Variants in KANK4 observed in about 807,000 individuals in gnomAD.
KANK4 encodes KN motif and ankyrin repeat domain-containing protein 4.
KANK4 carries 50 observed loss-of-function variants against 80.8 expected under a neutral mutation model. The ratio of observed to expected loss-of-function variants is 0.62; its 90% CI spans 0.49 to 0.78. The LOEUF (loss-of-function observed/expected upper bound fraction) is 0.78. Ranked by LOEUF, KANK4 falls within the 30% of genes least tolerant of loss-of-function variation. The pLI, the probability that KANK4 is intolerant of heterozygous loss-of-function variation, is 0.00. For synonymous variants in KANK4, 465 were observed against 506.9 expected (o/e 0.92, Z 1.11); for missense variants, 1,196 against 1,240.1 (o/e 0.96, Z 0.53).
chr1:62,303,032 G>A (rs1296186710), intron 1 of KANK4, among the ~76,000 whole-genome samples: 3 of 152,100 alleles, frequency 2.0e-5, no homozygotes, highest in Non-Finnish European at 4.4e-5. Flanking sequence ...GAATGAGGAA[G>A]TTTAAGCCAC....
chr1:62,311,179 C>G (rs891966680), intron 1 of KANK4, among the ~76,000 whole-genome samples: 10 of 152,138 alleles, frequency 6.6e-5, no homozygotes, highest in African/African-American at 2.2e-4. Flanking sequence ...TAGTAGGTTT[C>G]AAGAACAAGT....
intron 2 of KANK4, among the ~76,000 whole-genome samples, chr1:62,277,746 A>G (rs1672344499): frequency 6.6e-6 from 1 of 152,226 alleles, no homozygotes; most frequent in Admixed American, 6.5e-5. Context: ...GATGCCATGC[A>G]TGAGTAAAAA....
At position 62,273,950 on chromosome 1, in the gene KANK4, C is replaced by T. The variant is rs777904139; in HGVS notation, c.1154G>A (p.Arg385Gln). 4.0e-5 allele frequency: 64 copies of T among 1,614,196 alleles called. No individual in the cohort carries two copies. The highest frequency in any genetic ancestry group is 3.3e-4 in the Admixed American group (20 of 60,028). ...TTGGGCTACAGTGAACTCCAGCTCT[C>T]GAATTCTTTGCTCCCTAGCTTTGAT... is the stretch of plus-strand genomic sequence containing the variant. ...EEIKAREQRIRELEFTVAQLE... is the reference protein window; with the variant it reads ...EEIKAREQRIQELEFTVAQLE... The change falls in exon 3 of 10, where the codon CGA becomes CAA. Residue 385 changes from arginine (R) to glutamine (Q), a missense_variant. Around this residue, in one of 3 missense-constraint regions of KANK4, gnomAD observed 1,154 missense variants for 1,179.6 expected, o/e 0.98. Transcript: ENST00000371153.
At chr1:62,251,686 C>T (rs55673263) in intron 8 of KANK4, among the ~76,000 whole-genome samples, 44,064 of 151,936 alleles carry the variant, frequency 0.29, 6,700 homozygotes, top group South Asian at 0.36. Flanking sequence ...TCAACTTGTA[C>T]TTAATCACTG....
At chr1:62,291,518 C>A (rs1424669295) in intron 1 of KANK4, among the ~76,000 whole-genome samples, 1 of 152,264 alleles carries the variant, frequency 6.6e-6, no homozygotes, top group East Asian at 1.9e-4. Context: ...CATAGCTCAC[C>A]ACAGGCTCAA....
In KANK4 at chr1:62,273,356, G is replaced by A. The variant is rs1392567149; in HGVS notation, c.1748C>T (p.Pro583Leu). The A allele has an allele frequency of 6.8e-6, 11 of 1,607,714 alleles. No individual in the cohort carries two copies. The highest frequency in any genetic ancestry group is 6.6e-5 in the South Asian group (6 of 90,730). ...EQWNCLEHGYPELASAIKQPA... is the reference protein window; with the variant it reads ...EQWNCLEHGYLELASAIKQPA... ...CTGCTTGATGGCGCTGGCCAGCTCC[G>A]GGTACCCATGCTCCAGGCAGTTCCA... Residue 583 changes from proline to leucine, a missense_variant, in exon 3 of 10, where the codon CCG becomes CTG. This residue lies in a region of KANK4 where 1,154 missense variants were observed against 1,179.6 expected (regional missense o/e 0.98). Transcript: ENST00000371153.
At chr1:62,241,796 T>G (rs539303474) in intron 9 of KANK4, among the ~76,000 whole-genome samples, 18 of 152,342 alleles carry the variant, frequency 1.2e-4, no homozygotes, top group South Asian at 6.2e-4. Flanking sequence ...GAACTTCATC[T>G]GCTGTGCCTT....
chr1:62,248,697 A>C (rs1001225442), intron 8 of KANK4, among the ~76,000 whole-genome samples: 2 of 151,454 alleles, frequency 1.3e-5, no homozygotes, highest in African/African-American at 4.8e-5. Context: ...GGCAGCTGCC[A>C]CCATGCCCAG....
At chr1:62,278,336 C>T (rs56822769) in intron 2 of KANK4, among the ~76,000 whole-genome samples, 86 of 10,414 alleles carry the variant, frequency 8.3e-3, no homozygotes, top group African/African-American at 0.038. Context: ...TTCCTTCCTT[C>T]CTTCCTTCCT....
intron 4 of KANK4, 69 bp downstream of exon 4, chr1:62,271,409 G>T: frequency 2.0e-6 from 2 of 1,025,114 alleles, no homozygotes; most frequent in South Asian, 1.3e-5. Context: ...CCTAGGAAAA[G>T]AGAGTGCAAA....
intron 9 of KANK4, among the ~76,000 whole-genome samples, chr1:62,244,208 T>A (rs1671414260): frequency 6.6e-6 from 1 of 151,926 alleles, no homozygotes; most frequent in African/African-American, 2.4e-5. Flanking sequence ...TATTTTTTTT[T>A]TTTTTGAGAC....
At chr1:62,247,704 T>C in intron 8 of KANK4, 32 bp from the exon 9 acceptor site, 2 of 1,600,728 alleles carry the variant, frequency 1.2e-6, no homozygotes, top group Non-Finnish European at 1.7e-6. Context: ...TGTGGTGAGG[T>C]TGCTGCCAGT....
chr1:62,246,764 A>ATT lies in KANK4; in HGVS notation c.2883+706_2883+707dup, dbSNP rs573139827. Among the ~76,000 whole-genome samples the ATT allele has an allele frequency of 4.3e-5, 6 of 140,774 alleles. No individual in the cohort carries two copies. In the East Asian group the frequency reaches 8.4e-4, roughly 20 times the overall value. 92.4% of individuals were successfully genotyped at this position (140,774 alleles called of 152,430 possible). A position where few individuals can be genotyped will look rare whatever the true frequency, so the allele number is the denominator to read the frequency against. On this transcript the variant is annotated intron_variant, in intron 9 of 9. Coordinates refer to ENST00000371153, the MANE Select transcript of KANK4 (RefSeq NM_181712.5). ...AGGCGTGCACCACCATACCTGGTTA[A>ATT]TTTTTTTTTTTTTTGAGACAGAGTT...
chr1:62,292,772 G>A (rs1456603243), intron 1 of KANK4, among the ~76,000 whole-genome samples: 7 of 152,212 alleles, frequency 4.6e-5, no homozygotes, highest in African/African-American at 1.7e-4. Flanking sequence ...TGATTTGTCA[G>A]CCTGCTGGAC....
At chr1:62,296,638 A>G (rs1366798827) in intron 1 of KANK4, among the ~76,000 whole-genome samples, 3 of 152,012 alleles carry the variant, frequency 2.0e-5, no homozygotes, top group Admixed American at 1.3e-4. Context: ...TGCAGCCTCA[A>G]TCTCCTGGGC....
intron 1 of KANK4, among the ~76,000 whole-genome samples, chr1:62,305,720 G>A (rs969374389): frequency 6.6e-6 from 1 of 151,982 alleles, no homozygotes; most frequent in Non-Finnish European, 1.5e-5. Flanking sequence ...CCTGCAACAC[G>A]GTGAAGGAAG....
At chr1:62,278,035 C>G (rs2149147586) in intron 2 of KANK4, among the ~76,000 whole-genome samples, 1 of 152,280 alleles carries the variant, frequency 6.6e-6, no homozygotes, top group Non-Finnish European at 1.5e-5. Context: ...GAAAGGACAG[C>G]AACAGCCAGA....
chr1:62,288,102 T>G (rs960336874), intron 1 of KANK4, among the ~76,000 whole-genome samples: 1 of 152,096 alleles, frequency 6.6e-6, no homozygotes, highest in Non-Finnish European at 1.5e-5. Context: ...CCCTATGCCT[T>G]ACTCAGACGT....
intron 1 of KANK4, among the ~76,000 whole-genome samples, chr1:62,301,604 C>G (rs1192788375): frequency 6.6e-6 from 1 of 151,820 alleles, no homozygotes; most frequent in African/African-American, 2.4e-5. Context: ...GGGTCTGAAT[C>G]CCAGCTCTGC....
Sources: gnomAD v4.1 joint callset for allele counts (sites outside exome capture counted in the v4.1 genomes callset) on GRCh38, gnomAD v4.1.1 for gene constraint, gnomAD v4.1.1 regional missense constraint, MANE v1.5 for transcripts, NCBI Gene and HGNC (gene_info 2026-07-23, HGNC 2026-07-21) for gene names.